Variants in PARD3B observed in about 807,000 individuals in gnomAD.
The protein encoded by PARD3B is par-3 family cell polarity regulator beta.
PARD3B carries 103 observed loss-of-function variants against 130.2 expected under a neutral mutation model. The ratio of observed to expected loss-of-function variants is 0.79; its 90% CI spans 0.67 to 0.93. The LOEUF (loss-of-function observed/expected upper bound fraction) is 0.93, where lower values mean the gene tolerates loss of function less well. Among genes scored for constraint, PARD3B ranks in the 40% least tolerant of loss-of-function variants. PARD3B has a pLI of 0.00. For missense variants in PARD3B, 1,609 were observed against 1,499.2 expected (o/e 1.07, Z -1.21); for synonymous variants, 583 against 553.2 (o/e 1.05, Z -0.76).
rs77936267 is a variant in PARD3B at position 205,406,449 on chromosome 2, G to A, written c.2741+5326G>A. Among the ~76,000 whole-genome samples the A allele has an allele frequency of 5.3e-3, 804 of 152,102 alleles. 7 individuals carry two copies. The highest frequency in any genetic ancestry group is 0.019 in the African/African-American group (770 of 41,522). ...CTGTTGAATAAGAAGCTAATGAAAT[G>A]ATTACATTTAGAAAGCATTAGTTCA... On this transcript the variant is annotated intron_variant, in intron 19 of 22. Transcript: ENST00000406610.
chr2:205,535,046 GTTC>G (rs1476133893), intron 21 of PARD3B, among the ~76,000 whole-genome samples: 1 of 152,124 alleles, frequency 6.6e-6, no homozygotes, highest in African/African-American at 2.4e-5. Context: ...GTAAAATGGA[GTTC>G]TTTTTTGCAT....
At position 205,301,407 on chromosome 2, in the gene PARD3B, G is replaced by T; in HGVS notation, c.2393-57G>T. The stretch of plus-strand genomic sequence containing the variant: ...GCATTTTACATGTTAGCGTTTCTCT[G>T]TATACTAACTGAGTGTGCCCCTGAC... On this transcript the variant is annotated intron_variant, in intron 17 of 22. Transcript: ENST00000406610. The surrounding 1 kb of genome is among the most constrained non-coding windows in gnomAD (Gnocchi z 5.2). The T allele has an allele frequency of 6.4e-7, 1 of 1,563,718 alleles. No homozygotes were observed. The highest frequency in any genetic ancestry group is 8.6e-7 in the Non-Finnish European group (1 of 1,161,210).
chr2:205,153,067 T>C (rs547883026), intron 10 of PARD3B, among the ~76,000 whole-genome samples: 27 of 152,340 alleles, frequency 1.8e-4, no homozygotes, highest in East Asian at 7.7e-4. Context: ...AGACCCTGTT[T>C]GCCTGGGTAT....
chr2:204,895,451 G>A (rs1226434009), intron 2 of PARD3B, among the ~76,000 whole-genome samples: 1 of 151,894 alleles, frequency 6.6e-6, no homozygotes, highest in Non-Finnish European at 1.5e-5. Context: ...CAAAGCTAGT[G>A]TTTTTCAGTT....
chr2:205,035,996 A>G (rs1267668292), intron 3 of PARD3B, among the ~76,000 whole-genome samples: 1 of 145,518 alleles, frequency 6.9e-6, no homozygotes, highest in African/African-American at 2.5e-5. Flanking sequence ...TAGAATATAT[A>G]TAATGGCCTA....
rs753604981 is a variant in PARD3B, at chr2:205,187,865, C to T, written c.2024+2002C>T. Among the ~76,000 whole-genome samples, 6 of 152,200 alleles carry T rather than the reference C, an allele frequency of 3.9e-5. No homozygotes were observed. The highest frequency in any genetic ancestry group is 8.8e-5 in the Non-Finnish European group (6 of 68,046). On this transcript the variant is annotated intron_variant, in intron 14 of 22. Transcript: ENST00000406610. The surrounding 1 kb of genome is among the most constrained non-coding windows in gnomAD (Gnocchi z 4.9). ...TGCTCTCTTAATCATCAACGGTAAT[C>T]TCCTTTCAGTCAAAAGTATGACGTT... is the stretch of plus-strand genomic sequence containing the variant.
intron 18 of PARD3B, among the ~76,000 whole-genome samples, chr2:205,302,859 T>C (rs544998603): frequency 4.6e-5 from 7 of 152,218 alleles, no homozygotes; most frequent in Non-Finnish European, 1.0e-4. Flanking sequence ...CTTACTTTCC[T>C]TACTTTTAAA....
In PARD3B at chr2:205,011,785, A is replaced by G. The variant is rs917268766; in HGVS notation, c.395-35796A>G. 6.6e-6 allele frequency among the ~76,000 whole-genome samples: 1 copy of G among 151,328 alleles called. No individual in the cohort carries two copies. The highest frequency in any genetic ancestry group is 1.5e-5 in the Non-Finnish European group (1 of 67,876). ...ACCATTCAGTATTTGACTCTTCCTTAGTTTTCTGGGTTTTTTTTTTTTACA... is the reference window on the plus strand; with the variant it reads ...ACCATTCAGTATTTGACTCTTCCTTGGTTTTCTGGGTTTTTTTTTTTTACA... On this transcript the variant is annotated intron_variant, in intron 3 of 22. Coordinates refer to ENST00000406610, the MANE Select transcript of PARD3B (RefSeq NM_001302769.2). This position sits in a 1 kb window ranked among gnomAD's most constrained non-coding sequence, Gnocchi z 4.1.
intron 4 of PARD3B, among the ~76,000 whole-genome samples, chr2:205,089,200 C>T (rs569345565): frequency 3.0e-4 from 44 of 147,598 alleles, no homozygotes; most frequent in Admixed American, 8.9e-4. Flanking sequence ...GATGAAGTCT[C>T]GCTCTTGTCC....
chr2:205,613,140 T>G (rs1039978544), intron 22 of PARD3B, among the ~76,000 whole-genome samples: 10 of 152,232 alleles, frequency 6.6e-5, no homozygotes, highest in Non-Finnish European at 1.3e-4. Flanking sequence ...CTTTCTCTCT[T>G]TCCATTTTAA....
chr2:204,676,681 T>G (rs2036562468), intron 1 of PARD3B, among the ~76,000 whole-genome samples: 1 of 148,978 alleles, frequency 6.7e-6, no homozygotes, highest in Non-Finnish European at 1.5e-5. Flanking sequence ...TTTTTTTTTT[T>G]TTTTTGGAGA....
rs1371249290 is a variant in PARD3B, at chr2:205,530,278, C to T, written c.3181-23046C>T. On this transcript the variant is annotated intron_variant, in intron 21 of 22. Transcript: ENST00000406610. The surrounding 1 kb of genome is among the most constrained non-coding windows in gnomAD (Gnocchi z 4.7). ...TGCTTGAGACCTGTCTTTTGCTACC[C>T]ACTACCACCCACAACAGGGTTAAAC... 2.0e-5 allele frequency among the ~76,000 whole-genome samples: 3 copies of T among 152,106 alleles called. No individual in the cohort carries two copies. The highest frequency in any genetic ancestry group is 4.4e-5 in the Non-Finnish European group (3 of 68,024).
At chr2:205,393,172 CCCAATTTAGAAT>C (rs1253378853) in intron 18 of PARD3B, among the ~76,000 whole-genome samples, 1 of 152,124 alleles carries the variant, frequency 6.6e-6, no homozygotes, top group Non-Finnish European at 1.5e-5. Context: ...TAATTCAGAA[CCCAATTTAGAAT>C]ACATCTGACA....
chr2:205,357,913 T>G (rs891778982), intron 18 of PARD3B, among the ~76,000 whole-genome samples: 1 of 152,204 alleles, frequency 6.6e-6, no homozygotes, highest in Non-Finnish European at 1.5e-5. Flanking sequence ...AATCTTTGGC[T>G]TTGGAGGGAT....
intron 3 of PARD3B, among the ~76,000 whole-genome samples, chr2:205,045,972 A>T (rs138465851): frequency 6.6e-6 from 1 of 152,266 alleles, no homozygotes; most frequent in Non-Finnish European, 1.5e-5. Context: ...CTCCCATTCA[A>T]GATTATCAAC....
At chr2:204,738,792 C>T (rs2039869974) in intron 2 of PARD3B, among the ~76,000 whole-genome samples, 1 of 152,174 alleles carries the variant, frequency 6.6e-6, no homozygotes, top group East Asian at 1.9e-4. Context: ...AAATGAGCAA[C>T]ATCTGATTTT....
At position 205,126,752 on chromosome 2, in the gene PARD3B, C is replaced by CAAAAA. The variant is rs4045004; in HGVS notation, c.1434+1046_1434+1050dup. Among the ~76,000 whole-genome samples, 172 of 74,448 alleles carry CAAAAA rather than the reference C, an allele frequency of 2.3e-3. 16 individuals carry two copies. The highest frequency in any genetic ancestry group is 9.4e-3 in the African/African-American group (145 of 15,446). The allele number at this position is 74,448 out of a possible 152,430, so 48.8% of individuals were successfully genotyped here. On this transcript the variant is annotated intron_variant, in intron 10 of 22. Transcript: ENST00000406610. ...TGGGCGACAGAGCGAGACTCCGTCT[C>CAAAAA]AAAAAAAAAAAAAAAAAAAAAAAAA...
chr2:205,006,341 C>T (rs1485509278), intron 3 of PARD3B, among the ~76,000 whole-genome samples: 1 of 152,144 alleles, frequency 6.6e-6, no homozygotes, highest in African/African-American at 2.4e-5. Context: ...AGTGAGATTG[C>T]TGGATTAAAT....
At chr2:205,420,068 C>G (rs2046914465) in intron 19 of PARD3B, among the ~76,000 whole-genome samples, 1 of 152,182 alleles carries the variant, frequency 6.6e-6, no homozygotes, top group African/African-American at 2.4e-5. Flanking sequence ...ACACCTGGTC[C>G]CCTGAGCATT....
Sources: gnomAD v4.1 joint callset for allele counts (sites outside exome capture counted in the v4.1 genomes callset) on GRCh38, gnomAD v4.1.1 for gene constraint, Gnocchi (gnomAD v3.1) non-coding constraint, MANE v1.5 for transcripts, NCBI Gene and HGNC (gene_info 2026-07-23, HGNC 2026-07-21) for gene names.